Variants in REDIC1 observed in about 807,000 individuals in gnomAD.
REDIC1 encodes the protein regulator of DNA class I crossover intermediates 1.
At chr12:39,712,197 C>CCTGTATGTATATGTACATGT in the REDIC1 span, among the ~76,000 whole-genome samples, 2 of 9,812 alleles carry the variant, frequency 2.0e-4, no homozygotes, top group Non-Finnish European at 3.9e-4. Context: ...TATGTACATA[C>CCTGTATGTATATGTACATGT]ATATATACAT....
At chr12:39,813,822 G>T in the REDIC1 span, among the ~76,000 whole-genome samples, 1 of 152,048 alleles carries the variant, frequency 6.6e-6, no homozygotes, top group Admixed American at 6.6e-5. Flanking sequence ...AGATGTAATT[G>T]GGAATATTAA....
the REDIC1 span, among the ~76,000 whole-genome samples, chr12:39,696,095 T>G: frequency 2.0e-5 from 3 of 152,080 alleles, no homozygotes; most frequent in African/African-American, 7.2e-5. Flanking sequence ...ACCCAAGTCC[T>G]TTTTGTATTC....
chr12:39,712,925 A>G, the REDIC1 span, among the ~76,000 whole-genome samples: 2 of 147,150 alleles, frequency 1.4e-5, no homozygotes, highest in East Asian at 2.0e-4. Flanking sequence ...ACATATGTGC[A>G]TATACGTGTA....
At chr12:39,793,409 T>C in the REDIC1 span, among the ~76,000 whole-genome samples, 1 of 147,832 alleles carries the variant, frequency 6.8e-6, no homozygotes, top group Non-Finnish European at 1.5e-5. Flanking sequence ...AATTGATCTA[T>C]AGAGTCAATG....
chr12:39,704,841 A>G, the REDIC1 span, among the ~76,000 whole-genome samples: 1 of 152,074 alleles, frequency 6.6e-6, no homozygotes, highest in South Asian at 2.1e-4. Flanking sequence ...CAAACACCGC[A>G]TATTCTCACT....
the REDIC1 span, chr12:39,692,159 CAATT>C: frequency 2.3e-5 from 32 of 1,385,682 alleles, no homozygotes; most frequent in Non-Finnish European, 2.7e-5. Flanking sequence ...TAAAAACTAA[CAATT>C]AAATAGAAAT....
chr12:39,883,600 C>T, the REDIC1 span, among the ~76,000 whole-genome samples: 3 of 152,088 alleles, frequency 2.0e-5, no homozygotes, highest in African/African-American at 7.2e-5. Flanking sequence ...CATTTACTTC[C>T]TGAAAAACAC....
the REDIC1 span, chr12:39,684,797 C>T: frequency 8.6e-7 from 1 of 1,161,028 alleles, no homozygotes; most frequent in Non-Finnish European, 1.3e-6. Context: ...AGTTTGGGAA[C>T]TCTAATTTAG....
At chr12:39,895,760 G>GTA in the REDIC1 span, among the ~76,000 whole-genome samples, 1 of 36,036 alleles carries the variant, frequency 2.8e-5, no homozygotes, top group Non-Finnish European at 6.4e-5. Flanking sequence ...GCGTGTATAC[G>GTA]TACACACATG....
the REDIC1 span, among the ~76,000 whole-genome samples, chr12:39,728,780 C>CTTTTTT: frequency 3.3e-4 from 30 of 92,152 alleles, 1 homozygote; most frequent in African/African-American, 5.7e-4. Context: ...TGGTCCTGGG[C>CTTTTTT]TTTTTTTTTT....
the REDIC1 span, among the ~76,000 whole-genome samples, chr12:39,714,231 ATATG>A: frequency 3.8e-3 from 284 of 75,350 alleles, 18 homozygotes; most frequent in African/African-American, 0.011. Context: ...ATGCATGCAT[ATATG>A]TATATATGTA....
At chr12:39,782,891 T>G in the REDIC1 span, among the ~76,000 whole-genome samples, 16 of 152,296 alleles carry the variant, frequency 1.1e-4, no homozygotes, top group East Asian at 1.7e-3. Context: ...TTTTTTATAC[T>G]TTAAGTTCTA....
chr12:39,776,577 G>A, the REDIC1 span, among the ~76,000 whole-genome samples: 5 of 152,218 alleles, frequency 3.3e-5, no homozygotes. Context: ...TGTAGGCAGA[G>A]GCCATACTGC....
chr12:39,672,197 T>A, the REDIC1 span, among the ~76,000 whole-genome samples: 1 of 152,084 alleles, frequency 6.6e-6, no homozygotes, highest in African/African-American at 2.4e-5. Context: ...GCATCATGCT[T>A]GGACTTGGCA....
chr12:39,843,930 C>CT, the REDIC1 span, among the ~76,000 whole-genome samples: 940 of 152,020 alleles, frequency 6.2e-3, 11 homozygotes, highest in African/African-American at 0.021. Context: ...TATCAGTATG[C>CT]TTTTTTCCCC....
the REDIC1 span, among the ~76,000 whole-genome samples, chr12:39,717,912 G>C: frequency 6.6e-6 from 1 of 151,350 alleles, no homozygotes; most frequent in East Asian, 1.9e-4. Context: ...CCCTGGAGTG[G>C]TATATATTAG....
the REDIC1 span, among the ~76,000 whole-genome samples, chr12:39,896,836 A>T: frequency 6.6e-6 from 1 of 152,244 alleles, no homozygotes; most frequent in South Asian, 2.1e-4. Context: ...AGTGTGACAA[A>T]ATATGTACAA....
At chr12:39,779,834 A>G in the REDIC1 span, among the ~76,000 whole-genome samples, 1 of 152,166 alleles carries the variant, frequency 6.6e-6, no homozygotes, top group Admixed American at 6.5e-5. Context: ...TTCTGATTTT[A>G]TTTTCTTTCC....
the REDIC1 span, among the ~76,000 whole-genome samples, chr12:39,726,562 A>G: frequency 6.6e-6 from 1 of 152,096 alleles, no homozygotes; most frequent in Non-Finnish European, 1.5e-5. Context: ...CCAGTCTATC[A>G]TTGATGGGCA....
Sources: allele counts gnomAD v4.1 joint callset (sites outside exome capture counted in the v4.1 genomes callset), GRCh38; gene constraint gnomAD v4.1.1; transcripts MANE v1.5; gene names NCBI Gene and HGNC (gene_info 2026-07-23, HGNC 2026-07-21).